The following NIBAN3 variants were observed in gnomAD, a reference collection of about 807,000 sequenced individuals.
NIBAN3 encodes the protein niban apoptosis regulator 3.
A neutral mutation model predicts 76.4 loss-of-function variants in NIBAN3; 66 were observed. The observed-to-expected ratio is 0.86, with a 90% CI of 0.71 to 1.06. NIBAN3 has a LOEUF of 1.06. NIBAN3 is among the 50% of genes least tolerant of loss of function. The pLI is 0.00. For missense variants in NIBAN3, 808 were observed against 810.7 expected (o/e 1.00, Z 0.04); for synonymous variants, 360 against 355.2 (o/e 1.01, Z -0.15).
Position 17,539,419 on chromosome 19 carries a change from G to T in NIBAN3, c.784G>T (p.Ala262Ser). The change falls in exon 7 of 15, where the codon GCA becomes TCA. Residue 262 changes from alanine (A) to serine (S), a missense_variant. Coordinates refer to ENST00000599164, the MANE Select transcript of NIBAN3 (RefSeq NM_001321827.2). The stretch of plus-strand genomic sequence containing the variant: ...CCAGACCCTTCCTGGCCTGCGGGGG[G>T]CAGGCCGCGCCCGCGCCTGGGCCTG... Reference protein sequence around the residue: ...RAQTLPGLRGAGRARAWAWTE... With the variant: ...RAQTLPGLRGSGRARAWAWTE... 6.6e-7 allele frequency: 1 copy of T among 1,515,152 alleles called. No individual in the cohort carries two copies. The highest frequency in any genetic ancestry group is 1.4e-5 in the African/African-American group (1 of 71,452). The allele number at this position is 1,515,152 out of a possible 1,614,324, so 93.9% of individuals were successfully genotyped here.
chr19:17,546,559 C>T, intron 12 of NIBAN3, 127 bp from the exon 13 acceptor site: 1 of 1,286,698 alleles, frequency 7.8e-7, no homozygotes, highest in Non-Finnish European at 9.8e-7. Context: ...GATAAGGAAA[C>T]TAAGGCCCAA....
chr19:17,535,156 G>C (rs2075803368), intron 4 of NIBAN3, among the ~76,000 whole-genome samples: 1 of 152,198 alleles, frequency 6.6e-6, no homozygotes, highest in African/African-American at 2.4e-5. Context: ...AATGAACAGT[G>C]AGCTGGCTGT....
At chr19:17,523,435 T>C, upstream of NIBAN3, 1 of 1,561,794 alleles carries the variant, frequency 6.4e-7, no homozygotes, top group Non-Finnish European at 8.7e-7. Context: ...AGTGAGGAAG[T>C]GGGATGGGGC....
chr19:17,537,585 C>A, intron 5 of NIBAN3, 42 bp downstream of exon 5: 1 of 1,516,438 alleles, frequency 6.6e-7, no homozygotes, highest in South Asian at 1.3e-5. Context: ...GGCTAATGGT[C>A]TGGGGTCAGA....
chr19:17,533,740 C>A, intron 4 of NIBAN3, 39 bp downstream of exon 4: 1 of 1,452,866 alleles, frequency 6.9e-7, no homozygotes, highest in Non-Finnish European at 9.7e-7. Context: ...GTTTCTCCAC[C>A]CCAGCATCAT....
In NIBAN3 at chr19:17,539,607, T is replaced by C. The variant is rs2075900405; in HGVS notation, c.821T>C (p.Leu274Pro). The C allele has an allele frequency of 1.9e-6, 3 of 1,552,482 alleles. No homozygotes were observed. The highest frequency in any genetic ancestry group is 2.6e-6 in the Non-Finnish European group (3 of 1,143,982). Residue 274 changes from leucine to proline, a missense_variant, in exon 8 of 15, where the codon CTA becomes CCA. Physicochemically the swap from Leu to Pro is moderately conservative, Grantham distance 98. Coordinates refer to ENST00000599164, the MANE Select transcript of NIBAN3 (RefSeq NM_001321827.2). ...CCCCTCGACCGGTCTGGGCAGCTTC[T>C]AGACGCCGTTCACGCAGCTGTCCTG... is the stretch of plus-strand genomic sequence containing the variant. ...RARAWAWTEL[L>P]DAVHAAVLAG... is the part of the protein sequence containing the mutation.
At chr19:17,530,662 C>T in intron 1 of NIBAN3, 93 bp from the exon 2 acceptor site, 1 of 1,266,160 alleles carries the variant, frequency 7.9e-7, no homozygotes, top group Non-Finnish European at 1.1e-6. Context: ...CTACAGGAGC[C>T]CCCAGGTGGC....
Position 17,542,119 on chromosome 19 carries a change from T to C in NIBAN3, c.1171-17T>C, listed in dbSNP as rs1400278991. The C allele has an allele frequency of 1.2e-6, 2 of 1,614,114 alleles. No individual in the cohort carries two copies. The highest frequency in any genetic ancestry group is 1.7e-6 in the Non-Finnish European group (2 of 1,180,006). ...GCTGACAGCATTTTTCCCCCAAAAC[T>C]GCTTCCGGGAGCACAGGTTTACTCA... On this transcript the variant is annotated splice_polypyrimidine_tract_variant and intron_variant, in intron 9 of 14. Coordinates refer to ENST00000599164, the MANE Select transcript of NIBAN3 (RefSeq NM_001321827.2). This position sits in a 1 kb window ranked among gnomAD's most constrained non-coding sequence, Gnocchi z 4.8.
Position 17,549,496 on chromosome 19 carries a change from C to T in NIBAN3, c.1719C>T (p.Cys573=). 1 of 1,613,788 alleles carries T rather than the reference C, an allele frequency of 6.2e-7. No homozygotes were observed. The highest frequency in any genetic ancestry group is 8.5e-7 in the Non-Finnish European group (1 of 1,179,784). The part of the protein sequence containing the change: ...ANDVSCTLDG[C]LEVPWEQEGA... ...ATGTATCCTGCACTCTGGACGGCTG[C>T]TTGGAGGTCCCATGGGAACAGGAGG... is the stretch of plus-strand genomic sequence containing the variant. The change falls in exon 14 of 15, where the codon TGC becomes TGT. Residue 573 remains cysteine, a synonymous_variant. Coordinates refer to ENST00000599164, the MANE Select transcript of NIBAN3 (RefSeq NM_001321827.2).
upstream of NIBAN3, among the ~76,000 whole-genome samples, chr19:17,526,988 G>A (rs894965658): frequency 2.0e-5 from 3 of 152,078 alleles, no homozygotes; most frequent in African/African-American, 7.2e-5. Context: ...ACTAGATGCC[G>A]CATCCCTGCC....
At chr19:17,523,403 C>T (rs369556688), upstream of NIBAN3, 12 of 1,543,454 alleles carry the variant, frequency 7.8e-6, no homozygotes, top group East Asian at 2.4e-5. Context: ...CGTCTTGTCC[C>T]GGCAGGCCAC....
At chr19:17,540,243 C>T (rs1599737145) in intron 8 of NIBAN3, 149 bp from the exon 9 acceptor site, 4 of 531,040 alleles carry the variant, frequency 7.5e-6, no homozygotes, top group African/African-American at 2.0e-5. Context: ...TGGGCCCGCC[C>T]CTCCGAGGCT....
At chr19:17,544,838 T>C (rs2076020322) in intron 12 of NIBAN3, among the ~76,000 whole-genome samples, 1 of 152,170 alleles carries the variant, frequency 6.6e-6, no homozygotes, top group Admixed American at 6.5e-5. Context: ...CTATTCCCTG[T>C]GAGGTGTGAT....
At chr19:17,541,073 A>T (rs772970905) in intron 9 of NIBAN3, among the ~76,000 whole-genome samples, 1 of 152,140 alleles carries the variant, frequency 6.6e-6, no homozygotes, top group Non-Finnish European at 1.5e-5. Context: ...AAGGAGTTGG[A>T]TGAGAAAAGT....
chr19:17,545,355 T>C (rs941636352), intron 12 of NIBAN3: 3 of 162,954 alleles, frequency 1.8e-5, no homozygotes, highest in Non-Finnish European at 4.0e-5. Context: ...GCACCCGCTA[T>C]AGGGACCAGC....
intron 13 of NIBAN3, among the ~76,000 whole-genome samples, chr19:17,547,755 C>T (rs1351014303): frequency 6.6e-6 from 1 of 152,034 alleles, no homozygotes; most frequent in Non-Finnish European, 1.5e-5. Context: ...GCAACCTCCG[C>T]CTCCTGGGTT....
intron 8 of NIBAN3, 73 bp from the exon 9 acceptor site, chr19:17,540,319 G>A (rs1599737254): frequency 8.6e-7 from 1 of 1,160,118 alleles, no homozygotes; most frequent in East Asian, 2.9e-5. Context: ...TCCCCCTCGC[G>A]AGGGCCCCTG....
intron 4 of NIBAN3, among the ~76,000 whole-genome samples, chr19:17,534,803 A>AAGAAAG (rs1555756790): frequency 2.3e-5 from 3 of 130,228 alleles, no homozygotes; most frequent in Admixed American, 8.1e-5. Context: ...AAAAAAAAAA[A>AAGAAAG]AAAAGAAAAG....
chr19:17,541,930 C>T (rs1247214001), intron 9 of NIBAN3, among the ~76,000 whole-genome samples: 1 of 152,070 alleles, frequency 6.6e-6, no homozygotes, highest in Non-Finnish European at 1.5e-5. Flanking sequence ...GTGATCCACC[C>T]ACCTCGGCCT....
Sources: allele counts gnomAD v4.1 joint callset (sites outside exome capture counted in the v4.1 genomes callset), GRCh38; gene constraint gnomAD v4.1.1; non-coding constraint Gnocchi (gnomAD v3.1); transcripts MANE v1.5; gene names NCBI Gene and HGNC (gene_info 2026-07-23, HGNC 2026-07-21).